The following SLC9C1 variants were observed in gnomAD, a reference collection of about 807,000 sequenced individuals.
SLC9C1 encodes solute carrier family 9 member C1, also known as sodium/hydrogen exchanger 10.
Under a neutral mutation model 140.9 loss-of-function variants are expected in SLC9C1, and 97 were observed. The ratio of observed to expected loss-of-function variants is 0.69; its 90% CI spans 0.58 to 0.82. The LOEUF (loss-of-function observed/expected upper bound fraction) is 0.82, where lower values mean the gene tolerates loss of function less well. Among genes scored for constraint, SLC9C1 ranks in the 40% least tolerant of loss-of-function variants. The pLI is 0.00. For synonymous variants in SLC9C1, 440 were observed against 442.6 expected (o/e 0.99, Z 0.07); for missense variants, 1,340 against 1,389.3 (o/e 0.96, Z 0.56).
chr3:112,283,843 C>CAAAAAAAA (rs386397631), intron 2 of SLC9C1, among the ~76,000 whole-genome samples: 2 of 111,930 alleles, frequency 1.8e-5, no homozygotes, highest in African/African-American at 3.5e-5. Context: ...AATCACTGTG[C>CAAAAAAAA]AAAAAAAAAA....
rs1179055743 is a variant in SLC9C1 at position 112,286,809 on chromosome 3, A to G, written c.-18T>C. On this transcript the variant is annotated 5_prime_UTR_variant, in exon 2 of 29. Transcript: ENST00000305815. ...CCAGCCATGTTTCAGAAAAATTTTT[A>G]TGCAGATTTATGTTAGAAGCAATCT... is the stretch of plus-strand genomic sequence containing the variant. 6.4e-7 allele frequency: 1 copy of G among 1,572,262 alleles called. No individual in the cohort carries two copies. Among genetic ancestry groups the G allele is most frequent in the Non-Finnish European group, 8.7e-7 (1 of 1,144,838 alleles).
chr3:112,239,397 G>T (rs956178109), intron 12 of SLC9C1, among the ~76,000 whole-genome samples: 2 of 152,222 alleles, frequency 1.3e-5, no homozygotes, highest in Admixed American at 1.3e-4. Context: ...GACCCCTTGC[G>T]CTTCCTGCGT....
intron 28 of SLC9C1, among the ~76,000 whole-genome samples, chr3:112,144,395 T>A (rs892783370): frequency 1.2e-4 from 18 of 152,042 alleles, no homozygotes; most frequent in Admixed American, 9.2e-4. Flanking sequence ...GCCAGGCTGG[T>A]CCCAAACTCC....
chr3:112,203,315 A>G (rs1447654286), intron 17 of SLC9C1, among the ~76,000 whole-genome samples: 1 of 152,006 alleles, frequency 6.6e-6, no homozygotes, highest in Non-Finnish European at 1.5e-5. Context: ...TAGGCTCTGT[A>G]TACCTTCCTA....
chr3:112,250,145 G>A (rs1164939212), intron 10 of SLC9C1, among the ~76,000 whole-genome samples: 2 of 149,138 alleles, frequency 1.3e-5, no homozygotes, highest in Non-Finnish European at 3.0e-5. Flanking sequence ...TCCCACCTAT[G>A]AGTGAGAACA....
chr3:112,147,303 A>C (rs2074829883), intron 28 of SLC9C1, among the ~76,000 whole-genome samples: 1 of 152,136 alleles, frequency 6.6e-6, no homozygotes, highest in Non-Finnish European at 1.5e-5. Context: ...ATTCATATTG[A>C]TATGTAATTT....
chr3:112,221,482 C>T (rs956108071), intron 13 of SLC9C1, among the ~76,000 whole-genome samples: 1 of 152,022 alleles, frequency 6.6e-6, no homozygotes, highest in Non-Finnish European at 1.5e-5. Context: ...ATAAATGGAA[C>T]TTATTGGCAA....
chr3:112,163,321 A>G lies in SLC9C1; in HGVS notation c.3364+3900T>C, dbSNP rs1471333358. Among the ~76,000 whole-genome samples, 136 of 148,092 alleles carry G rather than the reference A, an allele frequency of 9.2e-4. 2 individuals carry two copies. The East Asian group carries it at 0.012, about 13-fold the overall frequency. On this transcript the variant is annotated intron_variant, in intron 26 of 28. Coordinates refer to ENST00000305815, the MANE Select transcript of SLC9C1 (RefSeq NM_183061.3). ...TTTCTTGCCTTCTGCTAGCTTTTGA[A>G]TATGTTTGCTCTTGCTTTTCTAGTT...
intron 20 of SLC9C1, among the ~76,000 whole-genome samples, chr3:112,192,832 G>A (rs996083265): frequency 6.6e-6 from 1 of 151,988 alleles, no homozygotes; most frequent in African/African-American, 2.4e-5. Flanking sequence ...TTTTTTTCTG[G>A]TATTTTGTGT....
chr3:112,191,880 T>C (rs1190504075), intron 20 of SLC9C1, among the ~76,000 whole-genome samples: 2 of 152,094 alleles, frequency 1.3e-5, no homozygotes, highest in Non-Finnish European at 2.9e-5. Context: ...CATTTCTTCC[T>C]AATATGCAAT....
chr3:112,281,143 T>C (rs1405660682), intron 2 of SLC9C1, among the ~76,000 whole-genome samples: 1 of 152,216 alleles, frequency 6.6e-6, no homozygotes, highest in Admixed American at 6.5e-5. Context: ...AAGTAAACTT[T>C]AATGAAATCT....
chr3:112,251,027 G>C (rs139741840), intron 10 of SLC9C1, among the ~76,000 whole-genome samples: 1 of 152,228 alleles, frequency 6.6e-6, no homozygotes, highest in East Asian at 1.9e-4. Context: ...AGAAAATGTG[G>C]TACAGATACA....
chr3:112,287,999 T>C (rs1019725863), intron 1 of SLC9C1, among the ~76,000 whole-genome samples: 33 of 126,876 alleles, frequency 2.6e-4, no homozygotes, highest in Admixed American at 1.8e-3. Flanking sequence ...GCCGAGATCG[T>C]GCCACTGCAC....
intron 19 of SLC9C1, 80 bp from the exon 20 acceptor site, chr3:112,199,549 G>A: frequency 8.4e-7 from 1 of 1,188,708 alleles, no homozygotes; most frequent in South Asian, 2.0e-5. Flanking sequence ...CTAAGTTTCT[G>A]TTCTAAACCC....
rs562566815 is a variant in SLC9C1 at position 112,141,340 on chromosome 3, G to A, written c.3525-59C>T. On this transcript the variant is annotated intron_variant, in intron 28 of 28. Transcript: ENST00000305815. ...GAGGGCTTTTGAATCTTTCAATATT[G>A]ACTTACAACCCAGAATAGGATGTAC... 5.9e-6 allele frequency: 9 copies of A among 1,531,312 alleles called. No homozygotes were observed. The South Asian group carries it at 1.1e-4, about 19-fold the overall frequency. The allele number at this position is 1,531,312 out of a possible 1,614,324, so 94.9% of individuals were successfully genotyped here. A position where few individuals can be genotyped will look rare whatever the true frequency, so the allele number is the denominator to read the frequency against.
intron 10 of SLC9C1, among the ~76,000 whole-genome samples, chr3:112,246,115 T>C (rs2079276841): frequency 6.6e-6 from 1 of 152,198 alleles, no homozygotes. Flanking sequence ...TCATTTTCTG[T>C]TTCTGGGTTT....
intron 7 of SLC9C1, among the ~76,000 whole-genome samples, chr3:112,267,849 C>G (rs939724520): frequency 6.6e-6 from 1 of 151,918 alleles, no homozygotes; most frequent in South Asian, 2.1e-4. Context: ...AACAATCAAG[C>G]CCTGGATTAG....
chr3:112,169,880 T>G (rs2077213582), intron 23 of SLC9C1, among the ~76,000 whole-genome samples: 1 of 152,192 alleles, frequency 6.6e-6, no homozygotes, highest in South Asian at 2.1e-4. Context: ...TTTTCATTTG[T>G]TTGTGTCATC....
At chr3:112,233,072 A>ATAT (rs1271582842) in intron 12 of SLC9C1, among the ~76,000 whole-genome samples, 14 of 83,740 alleles carry the variant, frequency 1.7e-4, no homozygotes, top group Admixed American at 9.0e-4. Context: ...TATATATTAT[A>ATAT]TTTTTTTTTT....
Sources: allele counts gnomAD v4.1 joint callset (sites outside exome capture counted in the v4.1 genomes callset), GRCh38; gene constraint gnomAD v4.1.1; transcripts MANE v1.5; gene names NCBI Gene and HGNC (gene_info 2026-07-23, HGNC 2026-07-21).